The following LONRF1 variants were observed in gnomAD, a reference collection of about 807,000 sequenced individuals.
LONRF1 encodes the protein LON peptidase N-terminal domain and RING finger protein 1.
A neutral mutation model predicts 85.8 loss-of-function variants in LONRF1; 37 were observed. The observed-to-expected ratio is 0.43, with a 90% CI of 0.33 to 0.57. LONRF1 has a LOEUF of 0.57. LONRF1 is among the 20% of genes least tolerant of loss of function. The pLI, the probability that LONRF1 is intolerant of heterozygous loss-of-function variation, is 0.04. For missense variants in LONRF1, 1,036 were observed against 978.0 expected (o/e 1.06, Z -0.79); for synonymous variants, 517 against 390.1 (o/e 1.33, Z -3.83).
intron 1 of LONRF1, chr8:12,754,254 C>T (rs978432921): frequency 8.4e-5 from 13 of 155,220 alleles, no homozygotes; most frequent in Middle Eastern, 3.0e-3. Flanking sequence ...GCGGGGGATT[C>T]TCTCCCCGCC....
intron 3 of LONRF1, 62 bp downstream of exon 3, chr8:12,740,812 T>G (rs1482739589): frequency 1.0e-5 from 16 of 1,551,090 alleles, no homozygotes; most frequent in Non-Finnish European, 1.4e-5. Context: ...ATTAGCTTTT[T>G]TTTTTAAACC....
chr8:12,740,901 A>G lies in LONRF1; in HGVS notation c.936T>C (p.Phe312=), dbSNP rs1478828314. 2 of 1,613,434 alleles carry G rather than the reference A, an allele frequency of 1.2e-6. No homozygotes were observed. Among genetic ancestry groups the G allele is most frequent in the Non-Finnish European group, 1.7e-6 (2 of 1,179,578 alleles). Residue 312 remains phenylalanine (F), a synonymous_variant, in exon 3 of 12, where the codon TTT becomes TTC. Transcript: ENST00000398246. ...TTTGTACTTGCAGCTTTGCAGGTGC[A>G]AAATCTTCATCAAGGGCTAAGCACT... ...FLQCLALDED[F]APAKLQVQKI...
At chr8:12,737,423 T>C (rs2117276917) in intron 4 of LONRF1, 1 of 579,746 alleles carries the variant, frequency 1.7e-6, no homozygotes, top group Non-Finnish European at 3.2e-6. Flanking sequence ...CTTGTCATTA[T>C]TCCCTAGACA....
At chr8:12,744,161 G>A (rs1403349117) in intron 1 of LONRF1, among the ~76,000 whole-genome samples, 1 of 152,052 alleles carries the variant, frequency 6.6e-6, no homozygotes, top group Non-Finnish European at 1.5e-5. Flanking sequence ...ATTGTAAGAT[G>A]GGCATAAAGA....
chr8:12,728,446 T>C (rs922537628), intron 10 of LONRF1, among the ~76,000 whole-genome samples: 37 of 152,240 alleles, frequency 2.4e-4, no homozygotes, highest in Non-Finnish European at 4.9e-4. Context: ...ACAATTCTTA[T>C]AAGATTTGAT....
Position 12,723,032 on chromosome 8 carries a change from C to T in LONRF1, c.*64G>A. 1.4e-6 allele frequency: 2 copies of T among 1,423,400 alleles called. No individual in the cohort carries two copies. The highest frequency in any genetic ancestry group is 1.9e-6 in the Non-Finnish European group (2 of 1,058,408). 88.2% of individuals were successfully genotyped at this position (1,423,400 alleles called of 1,614,324 possible). ...ACCAGCACTAGATGTGCAAAGGCAG[C>T]AGACAATCTGGCCATCAATGCAGCC... On this transcript the variant is annotated 3_prime_UTR_variant, in exon 12 of 12. Transcript: ENST00000398246.
intron 2 of LONRF1, 75 bp from the exon 3 acceptor site, chr8:12,741,071 A>T (rs1403208729): frequency 1.4e-5 from 22 of 1,554,480 alleles, no homozygotes; most frequent in Non-Finnish European, 1.8e-5. Flanking sequence ...AGTAAAGAAA[A>T]ACAATAGTCT....
intron 6 of LONRF1, 61 bp from the exon 7 acceptor site, chr8:12,735,461 C>T (rs1450992871): frequency 1.9e-6 from 2 of 1,068,536 alleles, no homozygotes; most frequent in Non-Finnish European, 2.8e-6. Flanking sequence ...AAAGCTTGTA[C>T]TACTTTAGAA....
chr8:12,739,940 C>T (rs555984552), intron 3 of LONRF1, among the ~76,000 whole-genome samples: 2 of 152,098 alleles, frequency 1.3e-5, no homozygotes, highest in African/African-American at 2.4e-5. Context: ...ATTCTTAAGG[C>T]GGCTGAGATC....
intron 3 of LONRF1, among the ~76,000 whole-genome samples, chr8:12,739,453 C>G (rs1040989310): frequency 2.0e-5 from 3 of 150,934 alleles, no homozygotes; most frequent in African/African-American, 7.3e-5. Flanking sequence ...AAAATCTGAA[C>G]AGTAGTTGCC....
intron 7 of LONRF1, 67 bp downstream of exon 7, chr8:12,735,219 C>A (rs750750473): frequency 1.5e-5 from 15 of 1,011,828 alleles, no homozygotes; most frequent in Non-Finnish European, 2.3e-5. Flanking sequence ...ATTTCTATGG[C>A]TGAACAGAAA....
At chr8:12,731,911 C>T in intron 7 of LONRF1, 54 bp from the exon 8 acceptor site, 1 of 1,523,296 alleles carries the variant, frequency 6.6e-7, no homozygotes, top group East Asian at 2.3e-5. Context: ...CAGTATAAAA[C>T]AGGCAACACA....
intron 3 of LONRF1, 132 bp downstream of exon 3, chr8:12,740,742 A>G: frequency 8.6e-7 from 1 of 1,165,688 alleles, no homozygotes; most frequent in East Asian, 2.4e-5. Flanking sequence ...AACCACTCAA[A>G]TTATCACATT....
At chr8:12,751,302 T>TTTTTGTTTGTTTTTTG (rs1554469360) in intron 1 of LONRF1, among the ~76,000 whole-genome samples, 1,113 of 96,486 alleles carry the variant, frequency 0.012, 38 homozygotes, top group African/African-American at 0.033. Context: ...TTATGTTTTT[T>TTTTTGTTTGTTTTTTG]TTTTTTTTTT....
chr8:12,737,366 G>T (rs1403959284), intron 4 of LONRF1: 3 of 681,414 alleles, frequency 4.4e-6, no homozygotes, highest in Non-Finnish European at 8.0e-6. Context: ...TCCAACTGGG[G>T]ATAGAAAATA....
At chr8:12,727,220 C>A (rs73202632) in intron 10 of LONRF1, 69 of 146,276 alleles carry the variant, frequency 4.7e-4, no homozygotes, top group Non-Finnish European at 8.7e-4. Context: ...CAATTATAAG[C>A]GTCAGTGATG....
chr8:12,725,031 C>T (rs1433987865), intron 11 of LONRF1, among the ~76,000 whole-genome samples: 3 of 152,204 alleles, frequency 2.0e-5, no homozygotes, highest in African/African-American at 7.2e-5. Flanking sequence ...ACATTTAGTT[C>T]AATTCAAAAT....
chr8:12,743,802 T>A (rs1799036497), intron 1 of LONRF1, among the ~76,000 whole-genome samples: 3 of 152,178 alleles, frequency 2.0e-5, no homozygotes, highest in Admixed American at 2.0e-4. Context: ...AATGGGTTAA[T>A]AAGAGTCAGC....
chr8:12,754,782 C>T lies in LONRF1; in HGVS notation c.639G>A (p.Arg213=). 1 of 1,480,468 alleles carries T rather than the reference C, an allele frequency of 6.8e-7. No individual in the cohort carries two copies. Among genetic ancestry groups the T allele is most frequent in the Non-Finnish European group, 8.9e-7 (1 of 1,122,640 alleles). The allele number at this position is 1,480,468 out of a possible 1,614,324, so 91.7% of individuals were successfully genotyped here. The change falls in exon 1 of 12, where the codon CGG becomes CGA. Residue 213 remains arginine, a synonymous_variant. Coordinates refer to ENST00000398246, the MANE Select transcript of LONRF1 (RefSeq NM_152271.5). ...GTAGCTCCCCGAGCCTGCCGGCCGC[C>T]CGGGCCCGCTCGCGCTGGCCCGGAA... ...KWFPGQRERA[R]AAGRLGELLH...
Sources: allele counts gnomAD v4.1 joint callset (sites outside exome capture counted in the v4.1 genomes callset), GRCh38; gene constraint gnomAD v4.1.1; transcripts MANE v1.5; gene names NCBI Gene and HGNC (gene_info 2026-07-23, HGNC 2026-07-21).